RAET1L: variants seen among roughly 807,000 people sequenced by gnomAD.
RAET1L encodes UL16-binding protein 6.
Under a neutral mutation model 23.9 loss-of-function variants are expected in RAET1L, and 16 were observed. The observed-to-expected ratio is 0.67, with a 90% CI of 0.45 to 1.02. RAET1L has a LOEUF of 1.02. Ranked by LOEUF, RAET1L falls within the 50% of genes least tolerant of loss-of-function variation. RAET1L has a pLI of 0.00. For missense variants in RAET1L, 233 were observed against 304.0 expected (o/e 0.77, Z 1.74); for synonymous variants, 70 against 111.2 (o/e 0.63, Z 2.33).
rs117522681 is a variant in RAET1L, at chr6:150,025,304, C to T, written c.85+83G>A. On this transcript the variant is annotated intron_variant, in intron 1 of 4. Coordinates refer to ENST00000367341, the MANE Select transcript of RAET1L (RefSeq NM_130900.3). ...GAGATCTCCCTTGTCCTTCCAGAAG[C>T]CTTCCCTCCTCTGAAACCCGCTGCA... 9.9e-3 allele frequency: 11,693 copies of T among 1,183,762 alleles called. 77 individuals carry two copies. The highest frequency in any genetic ancestry group is 0.012 in the Non-Finnish European group (9,761 of 814,462). 73.3% of individuals were successfully genotyped at this position (1,183,762 alleles called of 1,614,324 possible). A position where few individuals can be genotyped will look rare whatever the true frequency, so the allele number is the denominator to read the frequency against.
At position 150,024,235 on chromosome 6, in the gene RAET1L, G is replaced by A. The variant is rs142086156; in HGVS notation, c.85+1152C>T. Reference sequence around the variant, plus strand: ...CATCCACACCACCCAGAAGCCACAGGCAAGGTAGGGCCACCTTCTACTTTC... The same window carrying A: ...CATCCACACCACCCAGAAGCCACAGACAAGGTAGGGCCACCTTCTACTTTC... On this transcript the variant is annotated intron_variant, in intron 1 of 4. Transcript: ENST00000367341. Among the ~76,000 whole-genome samples, 1,392 of 151,470 alleles carry A rather than the reference G, an allele frequency of 9.2e-3. 12 individuals are homozygous for A. Among genetic ancestry groups the A allele is most frequent in the African/African-American group, 0.032 (1,295 of 40,798 alleles).
intron 2 of RAET1L, 109 bp downstream of exon 2, chr6:150,021,871 C>A (rs533745665): frequency 1.7e-5 from 22 of 1,295,340 alleles, no homozygotes; most frequent in African/African-American, 2.8e-5. Flanking sequence ...GGACTACAGG[C>A]GTGAGCCACC....
intron 1 of RAET1L, among the ~76,000 whole-genome samples, chr6:150,024,379 C>A (rs539776352): frequency 1.8e-4 from 27 of 152,340 alleles, no homozygotes; most frequent in East Asian, 1.3e-3. Context: ...GGTCCCCCCT[C>A]TTTGAAGGTT....
intron 2 of RAET1L, among the ~76,000 whole-genome samples, chr6:150,021,597 C>CTTTTTT (rs750629393): frequency 2.2e-5 from 2 of 92,626 alleles, no homozygotes; most frequent in Admixed American, 1.2e-4. Context: ...CTGCACCTGG[C>CTTTTTT]TTTTTTTTTT....
intron 1 of RAET1L, among the ~76,000 whole-genome samples, chr6:150,024,585 G>T (rs1045276170): frequency 1.4e-4 from 22 of 151,726 alleles, no homozygotes; most frequent in African/African-American, 5.1e-4. Flanking sequence ...AAGGGCAGAA[G>T]TGGGTGCCTC....
intron 1 of RAET1L, among the ~76,000 whole-genome samples, chr6:150,025,098 C>G (rs79206040): frequency 1.3e-5 from 2 of 152,254 alleles, no homozygotes; most frequent in Non-Finnish European, 2.9e-5. Context: ...GTGGGACTGC[C>G]GGGCTGCACT....
rs1379188863 is a variant in RAET1L, at chr6:150,022,155, T to C, written c.174A>G (p.Glu58=). The change falls in exon 2 of 5, where the codon GAA becomes GAG. Residue 58 remains glutamate (E), a synonymous_variant. Coordinates refer to ENST00000367341, the MANE Select transcript of RAET1L (RefSeq NM_130900.3). ...RWCAVQGQVD[E]KTFLHYDCGN... ...CACAGTCATAGTGAAGAAAAGTCTT[T>C]TCATCCACCTGGCCTTGAACCGCAC... 2 of 1,596,864 alleles carry C rather than the reference T, an allele frequency of 1.3e-6. No homozygotes were observed. Among genetic ancestry groups the C allele is most frequent in the Non-Finnish European group, 1.7e-6 (2 of 1,174,200 alleles).
intron 2 of RAET1L, among the ~76,000 whole-genome samples, chr6:150,021,678 G>A (rs960093651): frequency 2.1e-5 from 3 of 141,336 alleles, no homozygotes; most frequent in South Asian, 2.4e-4. Flanking sequence ...TCACTGCAGC[G>A]TCTGCCTGCC....
At chr6:150,023,248 C>T (rs1468037348) in intron 1 of RAET1L, among the ~76,000 whole-genome samples, 2 of 152,128 alleles carry the variant, frequency 1.3e-5, no homozygotes, top group African/African-American at 4.8e-5. Context: ...GTCCAAAGTC[C>T]AAAAGAGATG....
intron 1 of RAET1L, 36 bp downstream of exon 1, chr6:150,025,351 G>GC: frequency 6.3e-7 from 1 of 1,580,996 alleles, no homozygotes; most frequent in East Asian, 2.2e-5. Context: ...CTCAGGTTTG[G>GC]CCCCCGCCCC....
At position 150,025,370 on chromosome 6, in the gene RAET1L, T is replaced by G; in HGVS notation, c.85+17A>C. On this transcript the variant is annotated intron_variant, in intron 1 of 4. Transcript: ENST00000367341. The stretch of plus-strand genomic sequence containing the variant: ...GGTTTGGCCCCCGCCCCGCTTAGGC[T>G]CCATCCACCAGCTCACCGTCTCGCC... 6.2e-7 allele frequency: 1 copy of G among 1,610,412 alleles called. No individual in the cohort carries two copies. The highest frequency in any genetic ancestry group is 8.5e-7 in the Non-Finnish European group (1 of 1,177,166).
chr6:150,020,973 C>G lies in RAET1L; in HGVS notation c.563G>C (p.Gly188Ala). 6.2e-7 allele frequency: 1 copy of G among 1,614,214 alleles called. No individual in the cohort carries two copies. The highest frequency in any genetic ancestry group is 8.5e-7 in the Non-Finnish European group (1 of 1,180,034). ...VAMSFHYISM[G>A]DCIGWLEDFL... The stretch of plus-strand genomic sequence containing the variant: ...GTCCTCAAGCCATCCTATGCAGTCT[C>G]CCATTGAGATGTAATGGAAGGACAT... The change falls in exon 3 of 5, where the codon GGA (glycine) becomes GCA (alanine). Residue 188 changes from glycine to alanine, a missense_variant. Around this residue, in one of 4 missense-constraint regions of RAET1L, gnomAD observed 139 missense variants for 125.3 expected, o/e 1.11. Transcript: ENST00000367341.
At position 150,018,368 on chromosome 6, in the gene RAET1L, G is replaced by C. The variant is rs969600979; in HGVS notation, c.*510C>G. ...AATATAACTCTTTATTTAAATATCA[G>C]TACACAGCAATAAATTACTAAAGGA... On this transcript the variant is annotated 3_prime_UTR_variant, in exon 5 of 5. Coordinates refer to ENST00000367341, the MANE Select transcript of RAET1L (RefSeq NM_130900.3). 2 of 151,976 alleles carry C rather than the reference G, an allele frequency of 1.3e-5. No homozygotes were observed. The highest frequency in any genetic ancestry group is 4.8e-5 in the African/African-American group (2 of 41,348). 9.4% of individuals were successfully genotyped at this position (151,976 alleles called of 1,614,324 possible). A position where few individuals can be genotyped will look rare whatever the true frequency, so the allele number is the denominator to read the frequency against.
At chr6:150,023,518 G>A (rs1159333978) in intron 1 of RAET1L, among the ~76,000 whole-genome samples, 2 of 152,194 alleles carry the variant, frequency 1.3e-5, no homozygotes, top group East Asian at 3.8e-4. Context: ...AGAGTTTGCT[G>A]TGAAGGGCAA....
chr6:150,020,773 A>C, intron 3 of RAET1L, 132 bp downstream of exon 3: 2 of 1,438,330 alleles, frequency 1.4e-6, no homozygotes, highest in South Asian at 1.4e-5. Flanking sequence ...CCCCAGGAGG[A>C]GGGCCCGACG....
chr6:150,019,757 G>T (rs1490238487), intron 4 of RAET1L, among the ~76,000 whole-genome samples: 1 of 134,482 alleles, frequency 7.4e-6, no homozygotes, highest in Non-Finnish European at 1.7e-5. Context: ...GACTGCCCAT[G>T]TCTGAATTCC....
Position 150,018,456 on chromosome 6 carries a change from GA to G in RAET1L, c.*421del, listed in dbSNP as rs1333064043. The G allele has an allele frequency of 6.6e-6, 1 of 152,108 alleles. No individual in the cohort carries two copies. Among genetic ancestry groups the G allele is most frequent in the African/African-American group, 2.4e-5 (1 of 41,422 alleles). 9.4% of individuals were successfully genotyped at this position (152,108 alleles called of 1,614,324 possible). A position where few individuals can be genotyped will look rare whatever the true frequency, so the allele number is the denominator to read the frequency against. ...TTAAACAATTCTCTTTCAGGACATGGAAAGAATCCCTGGAGGTCTGAAGTCT... is the reference window on the plus strand; with the variant it reads ...TTAAACAATTCTCTTTCAGGACATGGAAGAATCCCTGGAGGTCTGAAGTCT... On this transcript the variant is annotated 3_prime_UTR_variant, in exon 5 of 5. Transcript: ENST00000367341.
At position 150,021,118 on chromosome 6, in the gene RAET1L, G is replaced by T; in HGVS notation, c.418C>A (p.Gln140Lys). 1 of 1,614,080 alleles carries T rather than the reference G, an allele frequency of 6.2e-7. No individual in the cohort carries two copies. The highest frequency in any genetic ancestry group is 8.5e-7 in the Non-Finnish European group (1 of 1,180,014). The change falls in exon 3 of 5, where the codon CAG (glutamine) becomes AAG (lysine). Residue 140 changes from glutamine to lysine, a missense_variant. Gln to Lys is a moderately conservative substitution (Grantham distance 53, BLOSUM62 1). Around this residue, in one of 4 missense-constraint regions of RAET1L, gnomAD observed 139 missense variants for 125.3 expected, o/e 1.11. Coordinates refer to ENST00000367341, the MANE Select transcript of RAET1L (RefSeq NM_130900.3). ...AAGGTCTGTCCATCGATACTGAACT[G>T]CCAAGATCCACTGCTGTGTCCTTCA... ...KAEGHSSGSW[Q>K]FSIDGQTFLL...
At chr6:150,025,107 C>T (rs1775866827) in intron 1 of RAET1L, among the ~76,000 whole-genome samples, 1 of 152,168 alleles carries the variant, frequency 6.6e-6, no homozygotes, top group Non-Finnish European at 1.5e-5. Flanking sequence ...CCGGGCTGCA[C>T]TAGGAATCCG....
Sources: allele counts gnomAD v4.1 joint callset (sites outside exome capture counted in the v4.1 genomes callset), GRCh38; gene constraint gnomAD v4.1.1; regional missense constraint gnomAD v4.1.1; transcripts MANE v1.5; gene names NCBI Gene and HGNC (gene_info 2026-07-23, HGNC 2026-07-21).